RELN: variants seen among roughly 807,000 people sequenced by gnomAD.
The protein encoded by RELN is reelin.
In RELN, 108 loss-of-function variants were observed where a neutral mutation model predicts 427.6. The ratio of observed to expected loss-of-function variants is 0.25; its 90% CI spans 0.22 to 0.30. The LOEUF is 0.30. Among genes scored for constraint, RELN ranks in the 10% least tolerant of loss-of-function variants. The probability of loss-of-function intolerance (pLI) is 1.00; values close to 1 mark genes in which losing one functional copy is unlikely to be tolerated. For missense variants in RELN, 3,715 were observed against 4,302.8 expected, an observed-to-expected ratio of 0.86 and a Z score of 3.82; for synonymous variants, 1,524 against 1,513.4, an observed-to-expected ratio of 1.01 and a Z score of -0.16.
Position 103,953,167 on chromosome 7 carries a change from G to C in RELN, c.226+35964C>G, listed in dbSNP as rs1411612657. ...TTGCTCCAAGATCAGCACCACAGGG[G>C]AAAAATCAGGGCAAGAAAAGTCTTC... is the stretch of plus-strand genomic sequence containing the variant. On this transcript the variant is annotated intron_variant, in intron 1 of 64. Coordinates refer to ENST00000428762, the MANE Select transcript of RELN (RefSeq NM_005045.4). This position sits in a 1 kb window ranked among gnomAD's most constrained non-coding sequence, Gnocchi z 4.3. Among the ~76,000 whole-genome samples, 1 of 152,102 alleles carries C rather than the reference G, an allele frequency of 6.6e-6. No homozygotes were observed. Among genetic ancestry groups the C allele is most frequent in the Non-Finnish European group, 1.5e-5 (1 of 68,030 alleles).
intron 11 of RELN, among the ~76,000 whole-genome samples, chr7:103,673,223 T>C (rs1367138632): frequency 6.6e-6 from 1 of 152,098 alleles, no homozygotes. Flanking sequence ...TACTGAACTG[T>C]CTTCTTTGTT....
intron 3 of RELN, among the ~76,000 whole-genome samples, chr7:103,812,727 C>T (rs1160284514): frequency 6.6e-6 from 1 of 152,206 alleles, no homozygotes; most frequent in Non-Finnish European, 1.5e-5. Flanking sequence ...GAGCTCTCAT[C>T]AGCAAAGAGT....
intron 11 of RELN, among the ~76,000 whole-genome samples, chr7:103,666,758 G>A (rs1326312186): frequency 1.3e-5 from 2 of 152,052 alleles, no homozygotes; most frequent in African/African-American, 4.8e-5. Context: ...CCACCTGGGT[G>A]GAATGAATGT....
chr7:103,910,676 C>T (rs1234186961), intron 2 of RELN, among the ~76,000 whole-genome samples: 6 of 135,566 alleles, frequency 4.4e-5, no homozygotes, highest in Non-Finnish European at 7.8e-5. Context: ...TGGAACAGAA[C>T]AGAGCCCTCA....
intron 16 of RELN, among the ~76,000 whole-genome samples, chr7:103,646,122 AAAAGCAGTGCTAAGAGAG>A (rs1359617774): frequency 6.6e-6 from 1 of 151,984 alleles, no homozygotes; most frequent in East Asian, 1.9e-4. Context: ...AAGATATAGC[AAAAGCAGTGCTAAGAGAG>A]AAGGCTATAA....
rs1797172242 is a variant in RELN at position 103,989,286 on chromosome 7, C to G, written c.71G>C (p.Arg24Pro). 1 of 1,612,710 alleles carries G rather than the reference C, an allele frequency of 6.2e-7. No homozygotes were observed. The highest frequency in any genetic ancestry group is 1.3e-5 in the African/African-American group (1 of 74,868). Residue 24 changes from arginine to proline, a missense_variant, in exon 1 of 65, where the codon CGC becomes CCC. This residue lies in a region of RELN where 2,208 missense variants were observed against 2,361.7 expected (regional missense o/e 0.93). Transcript: ENST00000428762. The surrounding 1 kb of genome is among the most constrained non-coding windows in gnomAD (Gnocchi z 4.9). ...ALLLGATLRARAAAGYYPRFS... is the reference protein window; with the variant it reads ...ALLLGATLRAPAAAGYYPRFS... ...GCGGGGGTAATAGCCAGCCGCCGCG[C>G]GCGCCCTCAGCGTCGCCCCCAGCAA...
intron 16 of RELN, among the ~76,000 whole-genome samples, chr7:103,645,594 T>C (rs1832781439): frequency 6.6e-6 from 1 of 151,846 alleles, no homozygotes; most frequent in South Asian, 2.1e-4. Flanking sequence ...CCTAAATACA[T>C]ATGCACCCAA....
chr7:103,827,179 G>A (rs1333084031), intron 3 of RELN, among the ~76,000 whole-genome samples: 1 of 151,858 alleles, frequency 6.6e-6, no homozygotes, highest in Non-Finnish European at 1.5e-5. Flanking sequence ...AAAATATTTT[G>A]TTACTGGAAT....
At chr7:103,775,391 G>T (rs1363633564) in intron 4 of RELN, among the ~76,000 whole-genome samples, 1 of 152,050 alleles carries the variant, frequency 6.6e-6, no homozygotes, top group East Asian at 1.9e-4. Flanking sequence ...AAATCATCAG[G>T]ATTTTGCCAT....
intron 51 of RELN, among the ~76,000 whole-genome samples, chr7:103,503,590 C>T (rs1016786728): frequency 1.2e-4 from 18 of 152,190 alleles, no homozygotes; most frequent in Non-Finnish European, 1.3e-4. Context: ...AGAAGAATAG[C>T]TAACAGCTTT....
At chr7:103,591,354 A>G (rs1166790522) in intron 27 of RELN, among the ~76,000 whole-genome samples, 1 of 152,250 alleles carries the variant, frequency 6.6e-6, no homozygotes, top group African/African-American at 2.4e-5. Context: ...ATATTGAGCC[A>G]TAGCTCAGGA....
chr7:103,526,082 T>C (rs978814097), intron 46 of RELN, among the ~76,000 whole-genome samples: 1 of 152,166 alleles, frequency 6.6e-6, no homozygotes, highest in African/African-American at 2.4e-5. Context: ...GGTAATCTGA[T>C]GGCTGTTGAA....
intron 1 of RELN, among the ~76,000 whole-genome samples, chr7:103,931,725 T>A (rs1795869754): frequency 6.6e-6 from 1 of 152,194 alleles, no homozygotes; most frequent in Admixed American, 6.6e-5. Context: ...TTAATGTCAA[T>A]TCGCACAGGA....
chr7:103,747,612 T>C (rs1286833177), intron 6 of RELN, among the ~76,000 whole-genome samples: 1 of 148,798 alleles, frequency 6.7e-6, no homozygotes, highest in Non-Finnish European at 1.5e-5. Flanking sequence ...ATCTCTCAAA[T>C]AATGACAGTT....
chr7:103,673,965 C>CT (rs1385966393), intron 11 of RELN, among the ~76,000 whole-genome samples: 2 of 151,934 alleles, frequency 1.3e-5, no homozygotes, highest in African/African-American at 2.4e-5. Context: ...TCTTCTTCTC[C>CT]TTTTTTTAAT....
chr7:103,974,980 A>G (rs1796841276), intron 1 of RELN, among the ~76,000 whole-genome samples: 1 of 152,208 alleles, frequency 6.6e-6, no homozygotes, highest in Non-Finnish European at 1.5e-5. Context: ...ATATGCTAAC[A>G]TATAGTTAAA....
chr7:103,743,160 C>T (rs939896327), intron 6 of RELN, among the ~76,000 whole-genome samples: 1 of 151,788 alleles, frequency 6.6e-6, no homozygotes, highest in African/African-American at 2.4e-5. Flanking sequence ...TCCAGCCAAA[C>T]TAAGCTTCAT....
At chr7:103,948,951 A>G (rs1796274352) in intron 1 of RELN, among the ~76,000 whole-genome samples, 1 of 147,420 alleles carries the variant, frequency 6.8e-6, no homozygotes, top group Non-Finnish European at 1.5e-5. Context: ...GGCAGACAAT[A>G]CTGCAATGAG....
At chr7:103,660,308 G>C (rs1833111430) in intron 12 of RELN, among the ~76,000 whole-genome samples, 1 of 152,138 alleles carries the variant, frequency 6.6e-6, no homozygotes, top group Non-Finnish European at 1.5e-5. Context: ...TTCTAATTAT[G>C]TAAAGAAAAT....
Sources: allele counts gnomAD v4.1 joint callset (sites outside exome capture counted in the v4.1 genomes callset), GRCh38; gene constraint gnomAD v4.1.1; regional missense constraint gnomAD v4.1.1; non-coding constraint Gnocchi (gnomAD v3.1); transcripts MANE v1.5; gene names NCBI Gene and HGNC (gene_info 2026-07-23, HGNC 2026-07-21).